The following CACNA1C variants were observed in gnomAD, a reference collection of about 807,000 sequenced individuals.
The protein encoded by CACNA1C is voltage-dependent L-type calcium channel subunit alpha-1C.
A neutral mutation model predicts 229.0 loss-of-function variants in CACNA1C; 30 were observed. The ratio of observed to expected loss-of-function variants is 0.13; its 90% CI spans 0.10 to 0.18. The LOEUF (loss-of-function observed/expected upper bound fraction) is 0.18, where lower values mean the gene tolerates loss of function less well. Among genes scored for constraint, CACNA1C ranks in the 10% least tolerant of loss-of-function variants. The pLI, the probability that CACNA1C is intolerant of heterozygous loss-of-function variation, is 1.00. For missense variants in CACNA1C, 1,658 were observed against 2,845.0 expected (o/e 0.58, Z 9.49); for synonymous variants, 1,114 against 1,132.5 (o/e 0.98, Z 0.33).
chr12:2,411,383 G>A (rs2098805730), intron 3 of CACNA1C, among the ~76,000 whole-genome samples: 1 of 152,166 alleles, frequency 6.6e-6, no homozygotes, highest in Non-Finnish European at 1.5e-5. Flanking sequence ...AGGGAGTGAG[G>A]GGCTGGAGGT....
intron 3 of CACNA1C, among the ~76,000 whole-genome samples, chr12:2,237,010 T>G (rs1022790848): frequency 6.6e-6 from 1 of 152,178 alleles, no homozygotes; most frequent in Admixed American, 6.5e-5. Context: ...TCTTCTGGTT[T>G]GAGTTTTGGT....
chr12:2,104,324 C>G (rs2077421702), intron 1 of CACNA1C, among the ~76,000 whole-genome samples: 2 of 152,148 alleles, frequency 1.3e-5, no homozygotes, highest in South Asian at 2.1e-4. Flanking sequence ...GTATTTTATT[C>G]TCTTTGTTGC....
In CACNA1C at chr12:2,486,219, G is replaced by A; in HGVS notation, c.873G>A (p.Met291Ile). 2 of 1,613,594 alleles carry A rather than the reference G, an allele frequency of 1.2e-6. No individual in the cohort carries two copies. Among genetic ancestry groups the A allele is most frequent in the Non-Finnish European group, 1.7e-6 (2 of 1,179,730 alleles). ...IYAIIGLELF[M>I]GKMHKTCYNQ... The stretch of plus-strand genomic sequence containing the variant: ...CCATCATCGGCTTGGAGCTCTTCAT[G>A]GGGAAGATGCACAAGACCTGCTACA... The change falls in exon 6 of 47, where the codon ATG (methionine) becomes ATA (isoleucine). Residue 291 changes from methionine (M) to isoleucine (I), a missense_variant. By Grantham distance (10) the Met-to-Ile change is conservative. Around this residue, in one of 20 missense-constraint regions of CACNA1C, gnomAD observed 84 missense variants for 202.6 expected, o/e 0.41. Coordinates refer to ENST00000399655, the MANE Select transcript of CACNA1C (RefSeq NM_000719.7). The surrounding 1 kb of genome is among the most constrained non-coding windows in gnomAD (Gnocchi z 4.9).
At chr12:2,645,015 T>G (rs1220277362) in intron 30 of CACNA1C, among the ~76,000 whole-genome samples, 1 of 152,338 alleles carries the variant, frequency 6.6e-6, no homozygotes, top group East Asian at 1.9e-4. Flanking sequence ...ATAACCTCAT[T>G]TCATTTATAT....
chr12:2,486,640 G>A lies in CACNA1C; in HGVS notation c.916+378G>A, dbSNP rs1218093429. 6.6e-6 allele frequency among the ~76,000 whole-genome samples: 1 copy of A among 152,228 alleles called. No individual in the cohort carries two copies. The highest frequency in any genetic ancestry group is 1.5e-5 in the Non-Finnish European group (1 of 68,028). On this transcript the variant is annotated intron_variant, in intron 6 of 46. Transcript: ENST00000399655. This position sits in a 1 kb window ranked among gnomAD's most constrained non-coding sequence, Gnocchi z 4.9. The stretch of plus-strand genomic sequence containing the variant: ...CAGTCTCTGCTCCTTCCATGCTTCA[G>A]TGTGGTTGGCCATTGGGAGCCCTTT...
At chr12:2,478,691 A>G (rs2099644069) in intron 5 of CACNA1C, among the ~76,000 whole-genome samples, 3 of 152,186 alleles carry the variant, frequency 2.0e-5, no homozygotes, top group African/African-American at 4.8e-5. Context: ...TCTCTTTAAG[A>G]TGAGGTCAAT....
rs1861673 is a variant in CACNA1C at position 2,689,968 on chromosome 12, G to A, written c.6118-932G>A. On this transcript the variant is annotated intron_variant, in intron 46 of 46. Transcript: ENST00000399655. This position sits in a 1 kb window ranked among gnomAD's most constrained non-coding sequence, Gnocchi z 4.2. ...AGACAAACAGATGCCTGAAAGGAGC[G>A]AGTGCCAGGCTGCACTCAGCTTCCC... 122,978 of 152,222 alleles carry A rather than the reference G, an allele frequency of 0.81. 52,912 individuals are homozygous for A. The highest frequency in any genetic ancestry group is 0.96 in the South Asian group (4,623 of 4,828). 9.4% of individuals were successfully genotyped at this position (152,222 alleles called of 1,614,324 possible). A position where few individuals can be genotyped will look rare whatever the true frequency, so the allele number is the denominator to read the frequency against.
chr12:2,602,663 T>A lies in CACNA1C; in HGVS notation c.2960+703T>A, dbSNP rs868426706. ...GTGTGTGTGTGTGTGTGTGTGTGTG[T>A]GTGTGTGAGTTTTTCATTTCACTGG... On this transcript the variant is annotated intron_variant, in intron 22 of 46. Transcript: ENST00000399655. The surrounding 1 kb of genome is among the most constrained non-coding windows in gnomAD (Gnocchi z 4.4). 8.1e-3 allele frequency among the ~76,000 whole-genome samples: 1,208 copies of A among 149,570 alleles called. 11 individuals are homozygous for A. Among genetic ancestry groups the A allele is most frequent in the African/African-American group, 0.029 (1,161 of 40,478 alleles).
chr12:2,224,299 A>T (rs2062283916), intron 3 of CACNA1C, among the ~76,000 whole-genome samples: 1 of 152,238 alleles, frequency 6.6e-6, no homozygotes, highest in Admixed American at 6.5e-5. Context: ...TCTCCTCTCC[A>T]CCGTCTCCGA....
intron 3 of CACNA1C, among the ~76,000 whole-genome samples, chr12:2,239,450 C>T (rs1259296729): frequency 6.6e-6 from 1 of 152,106 alleles, no homozygotes; most frequent in African/African-American, 2.4e-5. Context: ...ACCTCGCGGC[C>T]CTCTGCCCAG....
chr12:2,564,230 C>T (rs150372310), intron 11 of CACNA1C, among the ~76,000 whole-genome samples: 3 of 152,256 alleles, frequency 2.0e-5, no homozygotes, highest in East Asian at 1.9e-4. Context: ...CGATATGATA[C>T]GCACTGTGAT....
chr12:2,086,238 T>G (rs1202703115), intron 1 of CACNA1C, among the ~76,000 whole-genome samples: 1 of 152,230 alleles, frequency 6.6e-6, no homozygotes, highest in African/African-American at 2.4e-5. Flanking sequence ...TGGGATTTGT[T>G]GAAAAAATGG....
At chr12:2,596,681 A>G (rs1454498255) in intron 20 of CACNA1C, among the ~76,000 whole-genome samples, 3 of 152,030 alleles carry the variant, frequency 2.0e-5, no homozygotes, top group East Asian at 3.9e-4. Flanking sequence ...TATAATAAGT[A>G]TGCAGTCCTG....
At chr12:2,338,020 C>T (rs11832788) in intron 3 of CACNA1C, among the ~76,000 whole-genome samples, 5,084 of 152,232 alleles carry the variant, frequency 0.033, 197 homozygotes, top group African/African-American at 0.089. Flanking sequence ...TAAGTCCACA[C>T]TTCCAGCCTG....
chr12:2,202,733 C>T (rs922485525), intron 3 of CACNA1C, among the ~76,000 whole-genome samples: 8 of 152,092 alleles, frequency 5.3e-5, no homozygotes, highest in Admixed American at 1.3e-4. Context: ...CATCCTTGGA[C>T]GCTTATTTAA....
At chr12:2,652,512 C>CT (rs2095103551) in intron 32 of CACNA1C, among the ~76,000 whole-genome samples, 1 of 152,270 alleles carries the variant, frequency 6.6e-6, no homozygotes, top group African/African-American at 2.4e-5. Flanking sequence ...GCAGGCTTCT[C>CT]TCCCCCCATG....
chr12:2,633,807 T>C lies in CACNA1C; in HGVS notation c.3829-490T>C. 1 of 737,858 alleles carries C rather than the reference T, an allele frequency of 1.4e-6. No homozygotes were observed. The highest frequency in any genetic ancestry group is 2.8e-5 in the East Asian group (1 of 36,228). 45.7% of individuals were successfully genotyped at this position (737,858 alleles called of 1,614,324 possible). A position where few individuals can be genotyped will look rare whatever the true frequency, so the allele number is the denominator to read the frequency against. On this transcript the variant is annotated intron_variant, in intron 29 of 46. Transcript: ENST00000399655. The surrounding 1 kb of genome is among the most constrained non-coding windows in gnomAD (Gnocchi z 5.8). Reference sequence around the variant, plus strand: ...CTCTCACTCTCTCTGTTTACCTTCTTTTATGTTTTTTTTAATTTCCTGTTT... The same window carrying C: ...CTCTCACTCTCTCTGTTTACCTTCTCTTATGTTTTTTTTAATTTCCTGTTT...
chr12:2,434,215 A>AC (rs1035054867), intron 3 of CACNA1C, among the ~76,000 whole-genome samples: 2 of 148,426 alleles, frequency 1.3e-5, no homozygotes, highest in African/African-American at 2.5e-5. Flanking sequence ...GTCAGGCCTG[A>AC]CCCCCCGTCT....
intron 3 of CACNA1C, among the ~76,000 whole-genome samples, chr12:2,252,679 C>T (rs911394946): frequency 6.6e-6 from 1 of 152,152 alleles, no homozygotes; most frequent in Non-Finnish European, 1.5e-5. Flanking sequence ...AGAGCAAATT[C>T]CAGATCAGAT....
Sources: allele counts gnomAD v4.1 joint callset (sites outside exome capture counted in the v4.1 genomes callset), GRCh38; gene constraint gnomAD v4.1.1; regional missense constraint gnomAD v4.1.1; non-coding constraint Gnocchi (gnomAD v3.1); transcripts MANE v1.5; gene names NCBI Gene and HGNC (gene_info 2026-07-23, HGNC 2026-07-21).